Variants in TAF4B observed in about 807,000 individuals in gnomAD.
The protein encoded by TAF4B is transcription initiation factor TFIID subunit 4B.
TAF4B carries 38 observed loss-of-function variants against 86.4 expected under a neutral mutation model. That is an observed-to-expected ratio of 0.44 (90% CI 0.34 to 0.58). The LOEUF (loss-of-function observed/expected upper bound fraction) is 0.58. Ranked by LOEUF, TAF4B falls within the 20% of genes least tolerant of loss-of-function variation. TAF4B has a pLI of 0.02. For synonymous variants in TAF4B, 388 were observed against 391.2 expected (o/e 0.99, Z 0.10); for missense variants, 988 against 1,027.6 (o/e 0.96, Z 0.53).
At chr18:26,230,811 C>A (rs2055653619) in intron 1 of TAF4B, among the ~76,000 whole-genome samples, 1 of 152,046 alleles carries the variant, frequency 6.6e-6, no homozygotes, top group African/African-American at 2.4e-5. Context: ...GTGAGTTGTG[C>A]ACGAAGGCGC....
At chr18:26,363,684 A>G (rs1169482145) in intron 14 of TAF4B, among the ~76,000 whole-genome samples, 1 of 152,260 alleles carries the variant, frequency 6.6e-6, no homozygotes, top group African/African-American at 2.4e-5. Flanking sequence ...CACAAATAAC[A>G]CAAAAATGAT....
At position 26,321,194 on chromosome 18, in the gene TAF4B, T is replaced by TTAC. The variant is rs1324393074; in HGVS notation, c.2128_2130dup (p.Tyr710dup). The TTAC allele has an allele frequency of 1.9e-6, 3 of 1,613,486 alleles. No individual in the cohort carries two copies. Among genetic ancestry groups the TTAC allele is most frequent in the Non-Finnish European group, 2.5e-6 (3 of 1,179,698 alleles). ...CAATTGCTCAGCATCGAATGACTAC[T>TTAC]TACAAGGTAAAGGAAATCATTAAAG... On this transcript the variant is annotated inframe_insertion, in exon 11 of 15. Transcript: ENST00000269142.
At position 26,346,879 on chromosome 18, in the gene TAF4B, ATATATATATATATATATATATG is replaced by A. The variant is rs2057199536; in HGVS notation, c.2317-10809_2317-10788del. Among the ~76,000 whole-genome samples the A allele has an allele frequency of 5.2e-4, 3 of 5,824 alleles. 1 individual carries two copies. Among genetic ancestry groups the A allele is most frequent in the African/African-American group, 1.0e-3 (3 of 3,004 alleles). The allele number at this position is 5,824 out of a possible 152,430, so 3.8% of individuals were successfully genotyped here. ...TATATGTGTATATATATATATGTGTATATATATATATATATATATATGTGTGTGTATATATATATATATAGTT... is the reference window on the plus strand; with the variant it reads ...TATATGTGTATATATATATATGTGTATGTGTGTATATATATATATATAGTT... On this transcript the variant is annotated intron_variant, in intron 13 of 14. Transcript: ENST00000269142.
intron 13 of TAF4B, among the ~76,000 whole-genome samples, chr18:26,337,992 A>C (rs1287178576): frequency 1.3e-5 from 2 of 152,200 alleles, no homozygotes; most frequent in Non-Finnish European, 2.9e-5. Flanking sequence ...ATTACTGGCT[A>C]TCTTATAAAT....
intron 10 of TAF4B, among the ~76,000 whole-genome samples, chr18:26,319,299 C>A (rs2056939789): frequency 6.6e-6 from 1 of 151,918 alleles, no homozygotes; most frequent in Admixed American, 6.6e-5. Context: ...TGAGACTAGC[C>A]TGGCCAACAT....
At chr18:26,334,114 G>T (rs776030263) in intron 12 of TAF4B, among the ~76,000 whole-genome samples, 4 of 151,778 alleles carry the variant, frequency 2.6e-5, no homozygotes, top group Non-Finnish European at 5.9e-5. Context: ...TTATCTTTTC[G>T]CTTGAAATGA....
At chr18:26,310,757 CT>C (rs1385601846) in intron 9 of TAF4B, among the ~76,000 whole-genome samples, 3 of 152,232 alleles carry the variant, frequency 2.0e-5, no homozygotes, top group Non-Finnish European at 2.9e-5. Flanking sequence ...TTTATCCCCC[CT>C]ATTACCCAGG....
intron 10 of TAF4B, among the ~76,000 whole-genome samples, chr18:26,317,890 A>G (rs1454447181): frequency 6.6e-6 from 1 of 152,150 alleles, no homozygotes. Flanking sequence ...TTTTGGGGAG[A>G]TGCAAACATT....
At chr18:26,301,321 C>T (rs544337952) in intron 9 of TAF4B, among the ~76,000 whole-genome samples, 28 of 149,202 alleles carry the variant, frequency 1.9e-4, no homozygotes, top group African/African-American at 6.7e-4. Context: ...CAGTCTTGCT[C>T]TGTTGCCCAG....
intron 1 of TAF4B, among the ~76,000 whole-genome samples, chr18:26,242,038 G>A (rs1258925112): frequency 2.0e-5 from 3 of 152,172 alleles, no homozygotes; most frequent in Non-Finnish European, 4.4e-5. Flanking sequence ...GTGCTACGTG[G>A]TGCTGAGAAG....
At chr18:26,334,647 T>C (rs1370528030) in intron 12 of TAF4B, among the ~76,000 whole-genome samples, 1 of 152,200 alleles carries the variant, frequency 6.6e-6, no homozygotes, top group East Asian at 1.9e-4. Flanking sequence ...CCAAAGATGA[T>C]AAGACATTCT....
At chr18:26,328,615 A>G (rs1443911363) in intron 12 of TAF4B, among the ~76,000 whole-genome samples, 1 of 151,452 alleles carries the variant, frequency 6.6e-6, no homozygotes, top group Non-Finnish European at 1.5e-5. Context: ...CATCTCTACC[A>G]TTTTTGTTTT....
intron 1 of TAF4B, among the ~76,000 whole-genome samples, chr18:26,245,573 G>T (rs971373601): frequency 6.6e-6 from 1 of 152,124 alleles, no homozygotes; most frequent in Non-Finnish European, 1.5e-5. Context: ...GGATCCTGCT[G>T]ATTGGTGCAT....
At chr18:26,250,002 C>T (rs2055981583) in intron 1 of TAF4B, among the ~76,000 whole-genome samples, 1 of 152,148 alleles carries the variant, frequency 6.6e-6, no homozygotes, top group Non-Finnish European at 1.5e-5. Flanking sequence ...GAATTACAGG[C>T]ATGAGCCACT....
Position 26,273,418 on chromosome 18 carries a change from A to C in TAF4B, c.598-1245A>C, listed in dbSNP as rs536019802. On this transcript the variant is annotated intron_variant, in intron 3 of 14. Coordinates refer to ENST00000269142, the MANE Select transcript of TAF4B (RefSeq NM_005640.3). ...TGATATGTACACATATGTAATATGT[A>C]CACATATGTAATATGTCTGCTGTTG... Among the ~76,000 whole-genome samples, 11 of 152,344 alleles carry C rather than the reference A, an allele frequency of 7.2e-5. No individual in the cohort carries two copies. The South Asian group carries it at 8.3e-4, about 11-fold the overall frequency.
chr18:26,379,048 T>A (rs751960960), intron 14 of TAF4B, among the ~76,000 whole-genome samples: 4 of 152,160 alleles, frequency 2.6e-5, no homozygotes, highest in African/African-American at 9.6e-5. Context: ...CATTCCTCTT[T>A]GCTAAATACT....
intron 10 of TAF4B, 119 bp downstream of exon 10, chr18:26,315,517 A>AAAT (rs1266573434): frequency 3.1e-6 from 2 of 639,598 alleles, no homozygotes; most frequent in Admixed American, 3.3e-5. Context: ...AAGATTCTAG[A>AAAT]AATAATCAAG....
intron 1 of TAF4B, among the ~76,000 whole-genome samples, chr18:26,237,638 A>G (rs182098075): frequency 9.9e-5 from 15 of 152,274 alleles, no homozygotes; most frequent in African/African-American, 3.4e-4. Flanking sequence ...GTAGATTGCA[A>G]GCTTTGCATA....
At chr18:26,295,263 C>A in intron 9 of TAF4B, 1 of 361,794 alleles carries the variant, frequency 2.8e-6, no homozygotes, top group South Asian at 2.2e-5. Flanking sequence ...TCTGTCATCT[C>A]TTGGTTGGAT....
Sources: allele counts gnomAD v4.1 joint callset (sites outside exome capture counted in the v4.1 genomes callset), GRCh38; gene constraint gnomAD v4.1.1; transcripts MANE v1.5; gene names NCBI Gene and HGNC (gene_info 2026-07-23, HGNC 2026-07-21).